Variants in DPP6 observed in about 807,000 individuals in gnomAD.
DPP6 encodes A-type potassium channel modulatory protein DPP6.
Under a neutral mutation model 122.6 loss-of-function variants are expected in DPP6, and 69 were observed. The observed-to-expected ratio is 0.56, with a 90% confidence interval of 0.46 to 0.69. The LOEUF (loss-of-function observed/expected upper bound fraction) is 0.69. DPP6 is among the 30% of genes least tolerant of loss of function. The pLI is 0.00. For synonymous variants in DPP6, 418 were observed against 433.1 expected (o/e 0.97, Z 0.43); for missense variants, 928 against 1,116.9 (o/e 0.83, Z 2.41).
chr7:154,337,050 A>G (rs980731732), intron 1 of DPP6, among the ~76,000 whole-genome samples: 1 of 152,234 alleles, frequency 6.6e-6, no homozygotes, highest in Admixed American at 6.5e-5. Flanking sequence ...GCATTTAAAC[A>G]TCAGTGCCTC....
chr7:154,112,966 A>T (rs1806701671), intron 1 of DPP6, among the ~76,000 whole-genome samples: 1 of 152,168 alleles, frequency 6.6e-6, no homozygotes, highest in Admixed American at 6.5e-5. Context: ...AAGTGGAACC[A>T]TGTAGGGTTT....
chr7:154,295,997 T>C (rs113309875), intron 1 of DPP6, among the ~76,000 whole-genome samples: 14,029 of 147,112 alleles, frequency 0.095, 934 homozygotes, highest in East Asian at 0.22. Context: ...CAGGCTGGAG[T>C]GCAGTGGTGC....
chr7:154,375,281 T>G (rs1813032476), intron 1 of DPP6, among the ~76,000 whole-genome samples: 1 of 151,984 alleles, frequency 6.6e-6, no homozygotes, highest in African/African-American at 2.4e-5. Context: ...AGTGGCTATA[T>G]GCCTGGCACA....
intron 1 of DPP6, among the ~76,000 whole-genome samples, chr7:154,258,650 T>C (rs1802812391): frequency 1.3e-5 from 2 of 152,162 alleles, no homozygotes; most frequent in South Asian, 2.1e-4. Flanking sequence ...ATCAGTAAAA[T>C]GTATCTGGGA....
chr7:154,473,370 G>T (rs765808336), intron 2 of DPP6, among the ~76,000 whole-genome samples: 3 of 152,144 alleles, frequency 2.0e-5, no homozygotes, highest in Admixed American at 1.3e-4. Flanking sequence ...TTCAGCGCCC[G>T]GGATAGCTCC....
At chr7:154,155,823 C>T (rs1350272828) in intron 1 of DPP6, among the ~76,000 whole-genome samples, 1 of 152,218 alleles carries the variant, frequency 6.6e-6, no homozygotes, top group Non-Finnish European at 1.5e-5. Flanking sequence ...TCAACCTCAG[C>T]TCTCAGCCTC....
chr7:154,094,432 C>T (rs536590559), intron 1 of DPP6: 15 of 152,482 alleles, frequency 9.8e-5, no homozygotes, highest in African/African-American at 3.4e-4. Flanking sequence ...TGGTTCGGCG[C>T]AGGGAGAGCT....
chr7:154,249,512 A>T (rs559653714), intron 1 of DPP6, among the ~76,000 whole-genome samples: 93 of 152,344 alleles, frequency 6.1e-4, no homozygotes, highest in Middle Eastern at 3.4e-3. Flanking sequence ...GAGAGTTTAA[A>T]TATCAAAGAA....
intron 1 of DPP6, among the ~76,000 whole-genome samples, chr7:154,209,225 AC>A (rs1377293109): frequency 2.0e-5 from 3 of 152,032 alleles, no homozygotes; most frequent in Non-Finnish European, 4.4e-5. Context: ...CGTGAAAAAA[AC>A]GTGTGTCATT....
intron 21 of DPP6, chr7:154,884,613 A>G (rs1805944035): frequency 6.6e-6 from 1 of 151,584 alleles, no homozygotes; most frequent in South Asian, 2.1e-4. Context: ...ACGATTACAT[A>G]CACATGCTCA....
chr7:154,206,503 C>T (rs990147707), intron 1 of DPP6, among the ~76,000 whole-genome samples: 1 of 152,172 alleles, frequency 6.6e-6, no homozygotes, highest in African/African-American at 2.4e-5. Context: ...GCAACCTTTT[C>T]ACGTACCTGA....
intron 1 of DPP6, among the ~76,000 whole-genome samples, chr7:154,152,309 T>G (rs1796466302): frequency 1.3e-5 from 2 of 152,018 alleles, no homozygotes; most frequent in South Asian, 2.1e-4. Flanking sequence ...AGGGATGGGG[T>G]GCGACCAGCA....
At chr7:153,796,441 T>C in the DPP6 span, among the ~76,000 whole-genome samples, 2 of 147,692 alleles carry the variant, frequency 1.4e-5, no homozygotes, top group South Asian at 4.5e-4. Flanking sequence ...TTATGACCCA[T>C]ATTAATGTGA....
chr7:153,954,947 A>C (rs1408382409), intron 1 of DPP6, among the ~76,000 whole-genome samples: 1 of 152,086 alleles, frequency 6.6e-6, no homozygotes, highest in African/African-American at 2.4e-5. Flanking sequence ...AATCCTTACT[A>C]TCGGGAAGGT....
chr7:154,469,312 T>C (rs775662839), intron 2 of DPP6, among the ~76,000 whole-genome samples: 9 of 152,254 alleles, frequency 5.9e-5, no homozygotes, highest in Non-Finnish European at 1.0e-4. Flanking sequence ...ACAATAGTTA[T>C]TTTGTTTCTT....
At chr7:154,674,781 C>T (rs1317923313) in intron 7 of DPP6, among the ~76,000 whole-genome samples, 1 of 152,132 alleles carries the variant, frequency 6.6e-6, no homozygotes, top group Non-Finnish European at 1.5e-5. Context: ...GAGCTGTCCC[C>T]AAGAGATAGC....
intron 1 of DPP6, among the ~76,000 whole-genome samples, chr7:154,131,823 A>C (rs1323199784): frequency 1.3e-5 from 2 of 152,158 alleles, no homozygotes; most frequent in African/African-American, 4.8e-5. Flanking sequence ...GAAAAGAATA[A>C]ACAATTTCAT....
chr7:154,434,917 C>T (rs1818732247), intron 1 of DPP6, among the ~76,000 whole-genome samples: 7 of 152,172 alleles, frequency 4.6e-5, no homozygotes, highest in Admixed American at 4.6e-4. Flanking sequence ...TCACTGCAAC[C>T]TCTGCCTCCC....
intron 5 of DPP6, among the ~76,000 whole-genome samples, chr7:154,619,762 C>T (rs777284210): frequency 2.6e-4 from 40 of 152,150 alleles, no homozygotes; most frequent in Non-Finnish European, 4.9e-4. Flanking sequence ...CTTAGAAGTG[C>T]GGGTTGCATA....
Sources: allele counts gnomAD v4.1 joint callset (sites outside exome capture counted in the v4.1 genomes callset), GRCh38; gene constraint gnomAD v4.1.1; transcripts MANE v1.5; gene names NCBI Gene and HGNC (gene_info 2026-07-23, HGNC 2026-07-21).